Variants in CDH13 observed in about 807,000 individuals in gnomAD.
CDH13 encodes the protein cadherin-13.
CDH13 carries 24 observed loss-of-function variants against 63.8 expected under a neutral mutation model. The observed-to-expected ratio is 0.38, with a 90% CI of 0.27 to 0.53. The LOEUF is 0.53. Ranked by LOEUF, CDH13 falls within the 20% of genes least tolerant of loss-of-function variation. The pLI is 0.85. For missense variants in CDH13, 1,049 were observed against 903.1 expected (o/e 1.16, Z -2.07); for synonymous variants, 503 against 355.3 (o/e 1.42, Z -4.67).
At chr16:82,932,255 A>T (rs2042521301) in intron 2 of CDH13, among the ~76,000 whole-genome samples, 1 of 152,180 alleles carries the variant, frequency 6.6e-6, no homozygotes, top group Non-Finnish European at 1.5e-5. Flanking sequence ...ACTTATTCTA[A>T]AAAATTGTTT....
intron 7 of CDH13, among the ~76,000 whole-genome samples, chr16:83,542,282 G>A (rs529480624): frequency 6.6e-6 from 1 of 152,284 alleles, no homozygotes; most frequent in South Asian, 2.1e-4. Context: ...TTTTGTTTTT[G>A]TTTTAAGGCT....
intron 7 of CDH13, among the ~76,000 whole-genome samples, chr16:83,578,142 AT>A (rs1429603988): frequency 6.6e-6 from 1 of 152,182 alleles, no homozygotes; most frequent in Non-Finnish European, 1.5e-5. Flanking sequence ...ATTTGAATAC[AT>A]TCTTCTGCTC....
intron 8 of CDH13, among the ~76,000 whole-genome samples, chr16:83,629,946 C>T (rs16961095): frequency 0.35 from 53,816 of 152,114 alleles, 9,606 homozygotes; most frequent in East Asian, 0.49. Flanking sequence ...TAAAAGTCAA[C>T]GTCAGTAACA....
chr16:83,010,976 C>G (rs1047115900), intron 2 of CDH13, among the ~76,000 whole-genome samples: 9 of 152,198 alleles, frequency 5.9e-5, no homozygotes, highest in African/African-American at 2.2e-4. Flanking sequence ...GTTCACACTT[C>G]TAATGCGTAG....
At chr16:83,289,533 A>G (rs536871253) in intron 5 of CDH13, among the ~76,000 whole-genome samples, 19 of 152,284 alleles carry the variant, frequency 1.2e-4, no homozygotes, top group African/African-American at 3.6e-4. Context: ...TCTCTGCTGC[A>G]TTTTATCCTT....
At position 83,647,038 on chromosome 16, in the gene CDH13, C is replaced by A. The variant is rs375035887; in HGVS notation, c.1102-23752C>A. Among the ~76,000 whole-genome samples the A allele has an allele frequency of 2.7e-4, 41 of 152,074 alleles. No homozygotes were observed. The East Asian group carries it at 7.4e-3, about 27-fold the overall frequency. On this transcript the variant is annotated intron_variant, in intron 8 of 13. Transcript: ENST00000567109. ...AAATTACAGTAACATCGGCCAGGCG[C>A]GGTGGCTCACGCCTGTAATCCCAGC...
intron 5 of CDH13, among the ~76,000 whole-genome samples, chr16:83,300,533 T>C (rs2089709334): frequency 6.6e-6 from 1 of 152,230 alleles, no homozygotes; most frequent in South Asian, 2.1e-4. Context: ...TGCCAGTTCA[T>C]GTGTTGGTTC....
intron 2 of CDH13, among the ~76,000 whole-genome samples, chr16:82,942,189 C>T (rs940300954): frequency 1.3e-5 from 2 of 152,080 alleles, no homozygotes; most frequent in South Asian, 2.1e-4. Flanking sequence ...GATTAATTTT[C>T]ATCTTAAGTT....
intron 2 of CDH13, among the ~76,000 whole-genome samples, chr16:82,926,249 A>G (rs1391526116): frequency 6.6e-6 from 1 of 151,726 alleles, no homozygotes; most frequent in African/African-American, 2.4e-5. Context: ...TTTAAAATGA[A>G]TGGACATGAC....
chr16:83,677,490 CA>C lies in CDH13; in HGVS notation c.1285-717del, dbSNP rs142132515. Among the ~76,000 whole-genome samples the C allele has an allele frequency of 7.8e-3, 1,077 of 138,912 alleles. 14 individuals are homozygous for C. The highest frequency in any genetic ancestry group is 0.029 in the African/African-American group (1,037 of 35,410). 91.1% of individuals were successfully genotyped at this position (138,912 alleles called of 152,430 possible). Reference sequence around the variant, plus strand: ...CCCTCGAGTCAATTGAAAATGCTCCCATACATTTTCACATGCCCTCAGTTGG... The same window carrying C: ...CCCTCGAGTCAATTGAAAATGCTCCCTACATTTTCACATGCCCTCAGTTGG... On this transcript the variant is annotated intron_variant, in intron 9 of 13. Transcript: ENST00000567109.
intron 3 of CDH13, among the ~76,000 whole-genome samples, chr16:83,080,099 G>T (rs1376187789): frequency 6.6e-6 from 1 of 152,154 alleles, no homozygotes; most frequent in Non-Finnish European, 1.5e-5. Flanking sequence ...TGTGGCCTGG[G>T]TGAAGGTCAA....
At chr16:82,636,527 C>G (rs1908676067) in intron 1 of CDH13, among the ~76,000 whole-genome samples, 1 of 152,216 alleles carries the variant, frequency 6.6e-6, no homozygotes, top group South Asian at 2.1e-4. Context: ...GTTTCTTGAA[C>G]ATTCAATCAG....
At chr16:83,524,408 G>A (rs1167140202) in intron 7 of CDH13, among the ~76,000 whole-genome samples, 1 of 151,006 alleles carries the variant, frequency 6.6e-6, no homozygotes, top group Non-Finnish European at 1.5e-5. Context: ...CTAGCAGGTG[G>A]ACTGAGAGTC....
chr16:83,763,052 A>G (rs938051705), intron 11 of CDH13, among the ~76,000 whole-genome samples: 2 of 152,192 alleles, frequency 1.3e-5, no homozygotes, highest in Non-Finnish European at 2.9e-5. Flanking sequence ...ATGATTATCA[A>G]ACGCGTCATA....
chr16:83,245,370 A>T (rs567436399), intron 5 of CDH13, among the ~76,000 whole-genome samples: 34 of 152,358 alleles, frequency 2.2e-4, no homozygotes, highest in Middle Eastern at 6.8e-3. Context: ...ACAGTTTAAA[A>T]ATTTATGAAT....
At chr16:82,962,652 A>G (rs1907196258) in intron 2 of CDH13, among the ~76,000 whole-genome samples, 1 of 152,202 alleles carries the variant, frequency 6.6e-6, no homozygotes, top group Non-Finnish European at 1.5e-5. Context: ...ACCCCTGGCC[A>G]GGGCAGGGAA....
At chr16:83,415,757 A>T (rs1036346485) in intron 6 of CDH13, among the ~76,000 whole-genome samples, 5 of 152,174 alleles carry the variant, frequency 3.3e-5, no homozygotes, top group African/African-American at 9.7e-5. Flanking sequence ...GTACCTCAAC[A>T]TAATAAAGGC....
At chr16:83,434,874 T>TGC (rs2072242022) in intron 6 of CDH13, among the ~76,000 whole-genome samples, 1 of 77,224 alleles carries the variant, frequency 1.3e-5, no homozygotes, top group African/African-American at 5.4e-5. Context: ...TGTGTGTGTG[T>TGC]GTGTGTGTAT....
chr16:83,492,216 G>A (rs35171072), intron 7 of CDH13, among the ~76,000 whole-genome samples: 32,404 of 146,374 alleles, frequency 0.22, 3,528 homozygotes, highest in Middle Eastern at 0.34. Context: ...GGTAAAAAAG[G>A]ATAGCATTTC....
Sources: allele counts gnomAD v4.1 joint callset (sites outside exome capture counted in the v4.1 genomes callset), GRCh38; gene constraint gnomAD v4.1.1; transcripts MANE v1.5; gene names NCBI Gene and HGNC (gene_info 2026-07-23, HGNC 2026-07-21).